EEA1: variants seen among roughly 807,000 people sequenced by gnomAD.
EEA1 encodes the protein early endosome antigen 1, 162kD.
Under a neutral mutation model 209.2 loss-of-function variants are expected in EEA1, and 111 were observed. The observed-to-expected ratio is 0.53, with a 90% CI of 0.45 to 0.62. The LOEUF (loss-of-function observed/expected upper bound fraction) is 0.62. Among genes scored for constraint, EEA1 ranks in the 20% least tolerant of loss-of-function variants. The probability of loss-of-function intolerance (pLI) is 0.00; values close to 1 mark genes in which losing one functional copy is unlikely to be tolerated. For synonymous variants in EEA1, 536 were observed against 540.6 expected (o/e 0.99, Z 0.12); for missense variants, 1,343 against 1,530.8 (o/e 0.88, Z 2.05).
chr12:92,899,435 C>T (rs1277798658), intron 1 of EEA1, among the ~76,000 whole-genome samples: 1 of 152,214 alleles, frequency 6.6e-6, no homozygotes, highest in Non-Finnish European at 1.5e-5. Flanking sequence ...GCTGACCCTT[C>T]TTCTGGGAGG....
intron 22 of EEA1, 41 bp downstream of exon 22, chr12:92,787,826 A>C: frequency 1.4e-6 from 2 of 1,393,882 alleles, no homozygotes; most frequent in Non-Finnish European, 1.9e-6. Flanking sequence ...AATGTCTATA[A>C]AACTTACTGA....
intron 10 of EEA1, among the ~76,000 whole-genome samples, chr12:92,835,800 C>T (rs1268435999): frequency 6.6e-6 from 1 of 152,160 alleles, no homozygotes; most frequent in Non-Finnish European, 1.5e-5. Context: ...TAACCAAAAT[C>T]TACCAGCATT....
At chr12:92,893,059 T>C (rs1349870719) in intron 1 of EEA1, among the ~76,000 whole-genome samples, 1 of 152,214 alleles carries the variant, frequency 6.6e-6, no homozygotes, top group Admixed American at 6.5e-5. Flanking sequence ...CCAGCTCCAA[T>C]ACTTGATATG....
chr12:92,826,259 T>C lies in EEA1; in HGVS notation c.1431A>G (p.Thr477=), dbSNP rs756772926. The C allele has an allele frequency of 1.2e-6, 2 of 1,612,360 alleles. No individual in the cohort carries two copies. Among genetic ancestry groups the C allele is most frequent in the Admixed American group, 3.3e-5 (2 of 59,992 alleles). Residue 477 remains threonine (T), a synonymous_variant, in exon 13 of 29, where the codon ACA becomes ACG. Transcript: ENST00000322349. The part of the protein sequence containing the change: ...EQLKEKVTNS[T]ELQHQLDKTK... ...TTTTATCTAATTGATGCTGCAATTCTGTAGAATTTGTAACTTTTTCCTTCA... is the reference window on the plus strand; with the variant it reads ...TTTTATCTAATTGATGCTGCAATTCCGTAGAATTTGTAACTTTTTCCTTCA...
intron 2 of EEA1, among the ~76,000 whole-genome samples, chr12:92,885,637 T>C (rs1879347470): frequency 1.3e-5 from 2 of 152,188 alleles, no homozygotes; most frequent in African/African-American, 4.8e-5. Flanking sequence ...CTCTCTAATG[T>C]TCCCCAGTTA....
chr12:92,841,498 G>A (rs1260291688), intron 10 of EEA1, among the ~76,000 whole-genome samples: 3 of 152,106 alleles, frequency 2.0e-5, no homozygotes, highest in African/African-American at 7.2e-5. Context: ...TACAGAATGG[G>A]ATAAAATATT....
At chr12:92,892,930 G>A (rs938694673) in intron 1 of EEA1, among the ~76,000 whole-genome samples, 9 of 152,174 alleles carry the variant, frequency 5.9e-5, no homozygotes, top group African/African-American at 1.2e-4. Context: ...GCGCCCAGCC[G>A]GCAATAGTCT....
intron 1 of EEA1, among the ~76,000 whole-genome samples, chr12:92,926,781 A>G (rs1486105037): frequency 6.6e-6 from 1 of 152,136 alleles, no homozygotes; most frequent in African/African-American, 2.4e-5. Context: ...CCTCTGCCTG[A>G]CATGCCCTTC....
intron 11 of EEA1, among the ~76,000 whole-genome samples, chr12:92,832,093 C>CAA (rs760668908): frequency 8.7e-4 from 54 of 62,340 alleles, no homozygotes; most frequent in African/African-American, 2.5e-3. Flanking sequence ...GACTCCGTCT[C>CAA]AAAAAAAAAA....
intron 13 of EEA1, among the ~76,000 whole-genome samples, chr12:92,824,886 T>G (rs1676981472): frequency 1.3e-5 from 2 of 152,220 alleles, no homozygotes; most frequent in African/African-American, 4.8e-5. Context: ...GTTCCTTGGC[T>G]GAGACTAGAA....
intron 2 of EEA1, among the ~76,000 whole-genome samples, chr12:92,888,434 G>A (rs546625695): frequency 3.8e-4 from 58 of 152,080 alleles, no homozygotes; most frequent in East Asian, 1.9e-3. Context: ...AAAATTAGCC[G>A]GGTGTGGTGG....
chr12:92,820,899 A>G (rs1485489748), intron 13 of EEA1, among the ~76,000 whole-genome samples: 1 of 151,946 alleles, frequency 6.6e-6, no homozygotes, highest in African/African-American at 2.4e-5. Flanking sequence ...GGTAATGTCT[A>G]TTCCACTGGG....
At chr12:92,805,242 C>T (rs535674195) in intron 18 of EEA1, among the ~76,000 whole-genome samples, 22 of 152,276 alleles carry the variant, frequency 1.4e-4, no homozygotes, top group Admixed American at 6.5e-4. Context: ...GCACTGGAAA[C>T]TACCGTGAGG....
intron 13 of EEA1, among the ~76,000 whole-genome samples, chr12:92,822,600 A>AT (rs1876111082): frequency 6.6e-6 from 1 of 151,984 alleles, no homozygotes; most frequent in Admixed American, 6.6e-5. Context: ...TACTCTGATC[A>AT]TTCTCACTCT....
chr12:92,789,459 T>G (rs1208983011), intron 21 of EEA1, among the ~76,000 whole-genome samples: 1 of 152,088 alleles, frequency 6.6e-6, no homozygotes, highest in East Asian at 1.9e-4. Context: ...CCATGTATCT[T>G]CCTGATGTCT....
intron 15 of EEA1, among the ~76,000 whole-genome samples, chr12:92,814,606 C>A (rs375387884): frequency 2.0e-5 from 1 of 50,194 alleles, no homozygotes; most frequent in Non-Finnish European, 5.0e-5. Flanking sequence ...TGATGGGGGG[C>A]GGGGGGGGAA....
Position 92,781,992 on chromosome 12 carries a change from C to A in EEA1, c.3294G>T (p.Leu1098Phe). 2 of 1,613,360 alleles carry A rather than the reference C, an allele frequency of 1.2e-6. No homozygotes were observed. The highest frequency in any genetic ancestry group is 1.1e-5 in the South Asian group (1 of 91,020). ...EQDSAKKEQQ[L>F]QERCKALQDI... ...CTTGTAGTGCTTTACATCGCTCCTG[C>A]AATTGCTGTTCTTTCTTTGCTGAAT... Residue 1098 changes from leucine to phenylalanine, a missense_variant, in exon 23 of 29, where the codon TTG (leucine) becomes TTT (phenylalanine). Leu to Phe is a conservative substitution (Grantham distance 22). Around this residue, in one of 3 missense-constraint regions of EEA1, gnomAD observed 1,307 missense variants for 1,465.5 expected, o/e 0.89. Coordinates refer to ENST00000322349, the MANE Select transcript of EEA1 (RefSeq NM_003566.4).
intron 21 of EEA1, among the ~76,000 whole-genome samples, chr12:92,794,146 C>T (rs1206277229): frequency 3.9e-5 from 6 of 152,170 alleles, no homozygotes; most frequent in African/African-American, 9.7e-5. Flanking sequence ...TCATCACTGG[C>T]CATCAGAGAA....
chr12:92,830,023 G>A (rs1006434209), intron 11 of EEA1, among the ~76,000 whole-genome samples: 12 of 150,408 alleles, frequency 8.0e-5, no homozygotes, highest in African/African-American at 2.9e-4. Context: ...GGGGGGGCGG[G>A]TGAGGGTTGA....
Sources: allele counts gnomAD v4.1 joint callset (sites outside exome capture counted in the v4.1 genomes callset), GRCh38; gene constraint gnomAD v4.1.1; regional missense constraint gnomAD v4.1.1; transcripts MANE v1.5; gene names NCBI Gene and HGNC (gene_info 2026-07-23, HGNC 2026-07-21).